POLQ: variants seen among roughly 807,000 people sequenced by gnomAD.
POLQ encodes epididymis secretory sperm binding protein.
In POLQ, 233 loss-of-function variants were observed where a neutral mutation model predicts 259.2. That is an observed-to-expected ratio of 0.90 (90% CI 0.81 to 1.00). The LOEUF is 1.00. Ranked by LOEUF, POLQ falls within the 50% of genes least tolerant of loss-of-function variation. The pLI is 0.00. For synonymous variants in POLQ, 1,025 were observed against 1,048.8 expected (o/e 0.98, Z 0.44); for missense variants, 2,871 against 3,051.6 (o/e 0.94, Z 1.39).
chr3:121,515,107 A>G (rs930785061), intron 9 of POLQ, among the ~76,000 whole-genome samples: 2 of 152,220 alleles, frequency 1.3e-5, no homozygotes, highest in Non-Finnish European at 2.9e-5. Context: ...CCCTCAGTTC[A>G]GTCTCAAAGC....
At chr3:121,455,916 G>A (rs1277025426) in intron 25 of POLQ, among the ~76,000 whole-genome samples, 3 of 77,358 alleles carry the variant, frequency 3.9e-5, no homozygotes, top group Non-Finnish European at 8.3e-5. Flanking sequence ...CCAAAGCCTG[G>A]CAGAGACAAC....
intron 25 of POLQ, among the ~76,000 whole-genome samples, chr3:121,457,963 G>T (rs1231554064): frequency 1.2e-4 from 19 of 152,060 alleles, no homozygotes; most frequent in South Asian, 6.2e-4. Context: ...CTATTCACAA[G>T]AGCAAAGACT....
intron 25 of POLQ, among the ~76,000 whole-genome samples, chr3:121,451,627 C>T (rs985430629): frequency 4.6e-5 from 7 of 152,226 alleles, no homozygotes; most frequent in African/African-American, 1.7e-4. Context: ...GCAAATGTTG[C>T]TGCCTGATCG....
chr3:121,454,450 G>C (rs1389712282), intron 25 of POLQ, among the ~76,000 whole-genome samples: 1 of 152,180 alleles, frequency 6.6e-6, no homozygotes, highest in African/African-American at 2.4e-5. Flanking sequence ...ATTGGATAAA[G>C]AGTCAAGATC....
chr3:121,538,831 T>G (rs2048468714), intron 4 of POLQ, among the ~76,000 whole-genome samples: 2 of 152,176 alleles, frequency 1.3e-5, no homozygotes, highest in African/African-American at 2.4e-5. Context: ...ATGGTATTTT[T>G]AAGTTCACCA....
chr3:121,528,344 A>T (rs10934552), intron 7 of POLQ, among the ~76,000 whole-genome samples: 115 of 138,196 alleles, frequency 8.3e-4, no homozygotes, highest in African/African-American at 2.8e-3. Context: ...GGAAATTTTA[A>T]TTTTTTTTTT....
At chr3:121,517,848 A>G (rs2108811473) in intron 9 of POLQ, among the ~76,000 whole-genome samples, 1 of 152,328 alleles carries the variant, frequency 6.6e-6, no homozygotes, top group East Asian at 1.9e-4. Flanking sequence ...TACATCATAT[A>G]AGGCCTAGAA....
intron 16 of POLQ, among the ~76,000 whole-genome samples, chr3:121,486,681 T>C (rs2048014358): frequency 6.6e-6 from 1 of 151,868 alleles, no homozygotes; most frequent in Non-Finnish European, 1.5e-5. Flanking sequence ...CTGGACAACA[T>C]GGTGAAACCC....
chr3:121,482,651 T>C (rs958843470), intron 18 of POLQ, among the ~76,000 whole-genome samples: 1 of 152,140 alleles, frequency 6.6e-6, no homozygotes, highest in Admixed American at 6.6e-5. Flanking sequence ...ATTCATTTGA[T>C]TGCTATTTCC....
At chr3:121,437,122 T>C (rs1364364701) in intron 27 of POLQ, among the ~76,000 whole-genome samples, 2 of 152,160 alleles carry the variant, frequency 1.3e-5, no homozygotes, top group Non-Finnish European at 2.9e-5. Flanking sequence ...TAATCTCAGC[T>C]ACTCAGGAGG....
rs145048812 is a variant in POLQ, at chr3:121,490,295, A to G, written c.2636T>C (p.Ile879Thr). The G allele has an allele frequency of 1.0e-4, 162 of 1,614,202 alleles. No homozygotes were observed. The highest frequency in any genetic ancestry group is 2.0e-4 in the Admixed American group (12 of 60,032). ...CAGAATCATTCTGGCTTCTTCCACT[A>G]TAAGGGCTGCTGCTTCCCTTTCAGT... ...GLTEREAAAL[I>T]VEEARMILQQ... The change falls in exon 16 of 30, where the codon ATA (isoleucine) becomes ACA (threonine). Residue 879 changes from isoleucine (I) to threonine (T), a missense_variant. Ile to Thr is a moderately conservative substitution (Grantham distance 89). Around this residue, in one of 3 missense-constraint regions of POLQ, gnomAD observed 2,080 missense variants for 2,126.0 expected, o/e 0.98. Transcript: ENST00000264233.
chr3:121,435,992 A>T, intron 28 of POLQ, 130 bp downstream of exon 28: 1 of 605,070 alleles, frequency 1.7e-6, no homozygotes, highest in Non-Finnish European at 2.8e-6. Flanking sequence ...AATTTCTAAT[A>T]GTATAAAGAC....
At chr3:121,510,011 TA>T in intron 11 of POLQ, 27 bp downstream of exon 11, 1 of 1,557,158 alleles carries the variant, frequency 6.4e-7, no homozygotes, top group Non-Finnish European at 8.9e-7. Flanking sequence ...AAAAAGTGAG[TA>T]AATTGCAACT....
Position 121,488,174 on chromosome 3 carries a change from A to T in POLQ, c.4757T>A (p.Val1586Glu), listed in dbSNP as rs1242241093. Residue 1586 changes from valine (V) to glutamate (E), a missense_variant, in exon 16 of 30, where the codon GTA becomes GAA. Val to Glu is a moderately radical substitution (Grantham distance 121, BLOSUM62 -2). Around this residue, in one of 3 missense-constraint regions of POLQ, gnomAD observed 2,080 missense variants for 2,126.0 expected, o/e 0.98. Transcript: ENST00000264233. ...FPVQEKNHTV[V>E]SPRALELSDP... ...ACTTAGTTCTAATGCTCTAGGAGAT[A>T]CTACAGTATGATTCTTCTCTTGGAC... 6.2e-7 allele frequency: 1 copy of T among 1,613,558 alleles called. No homozygotes were observed. Among genetic ancestry groups the T allele is most frequent in the East Asian group, 2.2e-5 (1 of 44,868 alleles).
chr3:121,493,220 T>C (rs1424270558), intron 15 of POLQ, among the ~76,000 whole-genome samples: 1 of 151,706 alleles, frequency 6.6e-6, no homozygotes, highest in East Asian at 2.0e-4. Context: ...GAGAATCGCT[T>C]GAACCCAGGA....
chr3:121,446,051 T>C (rs1286287505), intron 26 of POLQ, among the ~76,000 whole-genome samples: 10 of 152,148 alleles, frequency 6.6e-5, no homozygotes, highest in Admixed American at 5.2e-4. Flanking sequence ...TTTTTCTTCT[T>C]CTTTTTTTTT....
intron 4 of POLQ, among the ~76,000 whole-genome samples, chr3:121,538,310 ATATACTT>A (rs2048464897): frequency 6.6e-6 from 1 of 152,188 alleles, no homozygotes; most frequent in Non-Finnish European, 1.5e-5. Context: ...TAACCAATGT[ATATACTT>A]GGAATAATTC....
chr3:121,476,798 C>G (rs764102153), intron 19 of POLQ, 65 bp from the exon 20 acceptor site: 69 of 1,062,700 alleles, frequency 6.5e-5, no homozygotes, highest in Non-Finnish European at 9.0e-5. Context: ...GCAGCCTTAC[C>G]TAAACTATAC....
intron 20 of POLQ, among the ~76,000 whole-genome samples, chr3:121,475,013 G>A (rs111659170): frequency 0.015 from 2,225 of 152,134 alleles, 52 homozygotes; most frequent in African/African-American, 0.05. Flanking sequence ...CATTTTTTAT[G>A]GTAAGACATT....
Sources: gnomAD v4.1 joint callset for allele counts (sites outside exome capture counted in the v4.1 genomes callset) on GRCh38, gnomAD v4.1.1 for gene constraint, gnomAD v4.1.1 regional missense constraint, MANE v1.5 for transcripts, NCBI Gene and HGNC (gene_info 2026-07-23, HGNC 2026-07-21) for gene names.